The following NCKAP5 variants were observed in gnomAD, a reference collection of about 807,000 sequenced individuals.
NCKAP5 encodes NCK associated protein 5.
In NCKAP5, 92 loss-of-function variants were observed where a neutral mutation model predicts 167.0. The ratio of observed to expected loss-of-function variants is 0.55; its 90% CI spans 0.47 to 0.66. NCKAP5 has a LOEUF of 0.66. Ranked by LOEUF, NCKAP5 falls within the 30% of genes least tolerant of loss-of-function variation. The pLI is 0.00. For missense variants in NCKAP5, 2,378 were observed against 2,315.0 expected (o/e 1.03, Z -0.56); for synonymous variants, 891 against 877.4 (o/e 1.02, Z -0.27).
At chr2:133,472,571 G>A (rs545911892) in intron 3 of NCKAP5, among the ~76,000 whole-genome samples, 3 of 151,852 alleles carry the variant, frequency 2.0e-5, no homozygotes, top group South Asian at 2.1e-4. Flanking sequence ...ACGTCTCTTC[G>A]GCCCTTAGTA....
In NCKAP5 at chr2:132,883,943, G is replaced by C. The variant is rs181130056; in HGVS notation, c.580-5027C>G. Reference sequence around the variant, plus strand: ...AAACTTAGGAGAAATGATTGAACCAGAATAGGGCACAAAAATGAGGAAAAC... The same window carrying C: ...AAACTTAGGAGAAATGATTGAACCACAATAGGGCACAAAAATGAGGAAAAC... On this transcript the variant is annotated intron_variant, in intron 8 of 19. Coordinates refer to ENST00000409261, the MANE Select transcript of NCKAP5 (RefSeq NM_207363.3). 7.9e-5 allele frequency among the ~76,000 whole-genome samples: 12 copies of C among 152,312 alleles called. No homozygotes were observed. In the East Asian group the frequency reaches 2.3e-3, roughly 29 times the overall value.
chr2:133,491,320 G>GCCCAGAT (rs1681418292), intron 3 of NCKAP5, among the ~76,000 whole-genome samples: 1 of 152,146 alleles, frequency 6.6e-6, no homozygotes, highest in Non-Finnish European at 1.5e-5. Context: ...ACAGGAAGTG[G>GCCCAGAT]GGTTCTTGAT....
At chr2:133,384,571 A>G (rs1034138217) in intron 3 of NCKAP5, among the ~76,000 whole-genome samples, 18 of 152,282 alleles carry the variant, frequency 1.2e-4, no homozygotes, top group African/African-American at 3.9e-4. Context: ...ATTTTAAAGT[A>G]GTTTTTTCCA....
the NCKAP5 span, among the ~76,000 whole-genome samples, chr2:133,647,748 G>GGAAGGAAGGAAGGAAA: frequency 4.9e-5 from 7 of 143,564 alleles, no homozygotes; most frequent in Non-Finnish European, 1.1e-4. Flanking sequence ...AAGGAAGGAA[G>GGAAGGAAGGAAGGAAA]GAAAGAAAAG....
chr2:133,352,337 C>T (rs1041684149), intron 3 of NCKAP5, among the ~76,000 whole-genome samples: 1 of 152,248 alleles, frequency 6.6e-6, no homozygotes, highest in African/African-American at 2.4e-5. Context: ...TAGCATCTGA[C>T]ACTGTGCCTG....
intron 3 of NCKAP5, among the ~76,000 whole-genome samples, chr2:133,360,427 A>C (rs1277047356): frequency 6.6e-6 from 1 of 151,548 alleles, no homozygotes; most frequent in Non-Finnish European, 1.5e-5. Flanking sequence ...ATTTGTTGCC[A>C]TGGGTACCCA....
At chr2:133,421,727 T>C (rs1689491493) in intron 3 of NCKAP5, among the ~76,000 whole-genome samples, 1 of 152,226 alleles carries the variant, frequency 6.6e-6, no homozygotes, top group Admixed American at 6.5e-5. Flanking sequence ...TCAGGACCAC[T>C]GTAGCCACTT....
At chr2:133,360,195 G>A (rs1685007640) in intron 3 of NCKAP5, among the ~76,000 whole-genome samples, 1 of 152,162 alleles carries the variant, frequency 6.6e-6, no homozygotes, top group Non-Finnish European at 1.5e-5. Flanking sequence ...CCCAATTCAA[G>A]TAGGTAGAAG....
rs2086307123 is a variant in NCKAP5, at chr2:133,213,752, CT to C, written c.170del (p.Gln57ArgfsTer17). On this transcript the variant is annotated frameshift_variant, in exon 5 of 20. Coordinates refer to ENST00000409261, the MANE Select transcript of NCKAP5 (RefSeq NM_207363.3). LOFTEE classifies it high-confidence loss of function. The part of the protein sequence containing the change: ...WREKLAVARL[Q>X]REVAQRTSEG... ...CACTTGTTCTTTGGGCAACTTCTCG[CT>C]GTAGTCGGGCCACTGCCAACTTCTC... 1.9e-6 allele frequency: 3 copies of C among 1,613,792 alleles called. No individual in the cohort carries two copies. The highest frequency in any genetic ancestry group is 1.7e-6 in the Non-Finnish European group (2 of 1,179,796).
intron 6 of NCKAP5, among the ~76,000 whole-genome samples, chr2:133,081,688 T>C (rs796178171): frequency 6.6e-6 from 1 of 152,156 alleles, no homozygotes; most frequent in Non-Finnish European, 1.5e-5. Context: ...GATACAACAT[T>C]AAATATATTC....
chr2:132,902,759 A>G (rs1574575120), intron 8 of NCKAP5, among the ~76,000 whole-genome samples: 1 of 152,240 alleles, frequency 6.6e-6, no homozygotes, highest in South Asian at 2.1e-4. Context: ...GGAATTCATC[A>G]TGTGAAGGGG....
At chr2:132,772,814 T>G (rs1351178984) in intron 16 of NCKAP5, among the ~76,000 whole-genome samples, 1 of 152,236 alleles carries the variant, frequency 6.6e-6, no homozygotes, top group Non-Finnish European at 1.5e-5. Flanking sequence ...AGACAAACTA[T>G]AAATTATCAT....
intron 11 of NCKAP5, among the ~76,000 whole-genome samples, chr2:132,805,838 C>T (rs1685388955): frequency 6.6e-6 from 1 of 151,822 alleles, no homozygotes; most frequent in Non-Finnish European, 1.5e-5. Flanking sequence ...AGAGTACATT[C>T]TTTAGTGGTG....
intron 16 of NCKAP5, among the ~76,000 whole-genome samples, chr2:132,740,089 T>C (rs977318549): frequency 5.9e-5 from 9 of 152,128 alleles, no homozygotes; most frequent in Admixed American, 4.6e-4. Context: ...TAATCACCTT[T>C]TTCCCCTCTG....
intron 6 of NCKAP5, among the ~76,000 whole-genome samples, chr2:133,120,001 A>G (rs1425565625): frequency 6.6e-6 from 1 of 152,202 alleles, no homozygotes; most frequent in Non-Finnish European, 1.5e-5. Context: ...AACCATGGGG[A>G]TATCAATATT....
At chr2:133,380,630 T>C (rs187477432) in intron 3 of NCKAP5, among the ~76,000 whole-genome samples, 3 of 152,376 alleles carry the variant, frequency 2.0e-5, no homozygotes, top group East Asian at 1.9e-4. Context: ...CATCTCCATG[T>C]TGTCTGTACA....
chr2:133,471,371 G>A (rs1679287450), intron 3 of NCKAP5, among the ~76,000 whole-genome samples: 1 of 139,780 alleles, frequency 7.2e-6, no homozygotes, highest in South Asian at 2.2e-4. Flanking sequence ...CTAGCAACTT[G>A]TCTTTAACAG....
intron 6 of NCKAP5, among the ~76,000 whole-genome samples, chr2:133,065,453 C>A (rs553832893): frequency 2.6e-5 from 4 of 151,956 alleles, no homozygotes; most frequent in Non-Finnish European, 5.9e-5. Flanking sequence ...GGTGAAACCC[C>A]GTCTCTACTA....
In NCKAP5 at chr2:132,673,121, C is replaced by A; in HGVS notation, c.*168G>T. The A allele has an allele frequency of 7.6e-7, 1 of 1,324,368 alleles. No individual in the cohort carries two copies. The highest frequency in any genetic ancestry group is 9.6e-7 in the Non-Finnish European group (1 of 1,041,044). 82.0% of individuals were successfully genotyped at this position (1,324,368 alleles called of 1,614,324 possible). ...GTTGTCTACCCCAGGCCTATCTGAA[C>A]TACTCAAAGATGTCTCTTCATTTTT... On this transcript the variant is annotated 3_prime_UTR_variant, in exon 20 of 20. Transcript: ENST00000409261.
Sources: gnomAD v4.1 joint callset for allele counts (sites outside exome capture counted in the v4.1 genomes callset) on GRCh38, gnomAD v4.1.1 for gene constraint, MANE v1.5 for transcripts, NCBI Gene and HGNC (gene_info 2026-07-23, HGNC 2026-07-21) for gene names.